TMEM117: variants seen among roughly 807,000 people sequenced by gnomAD.
TMEM117 encodes the protein transmembrane protein 117.
In TMEM117, 27 loss-of-function variants were observed where a neutral mutation model predicts 52.4. The observed-to-expected ratio is 0.51, with a 90% CI of 0.38 to 0.71. The LOEUF is 0.71. Ranked by LOEUF, TMEM117 falls within the 30% of genes least tolerant of loss-of-function variation. TMEM117 has a pLI of 0.00. For synonymous variants in TMEM117, 215 were observed against 206.3 expected (o/e 1.04, Z -0.36); for missense variants, 556 against 630.5 (o/e 0.88, Z 1.26).
rs753975593 is a variant in TMEM117 at position 43,844,666 on chromosome 12, T to G, written c.15T>G (p.Phe5Leu). The G allele has an allele frequency of 1.2e-6, 2 of 1,613,518 alleles. No individual in the cohort carries two copies. Among genetic ancestry groups the G allele is most frequent in the South Asian group, 1.1e-5 (1 of 90,970 alleles). The part of the protein sequence containing the change: MGKD[F>L]RYYFQHPWSR... ...AGTTCTGAAGAATGGGTAAAGACTTTCGTTACTATTTCCAGCATCCCTGGT... is the reference window on the plus strand; with the variant it reads ...AGTTCTGAAGAATGGGTAAAGACTTGCGTTACTATTTCCAGCATCCCTGGT... The change falls in exon 2 of 8, where the codon TTT (phenylalanine) becomes TTG (leucine). Residue 5 changes from phenylalanine to leucine, a missense_variant. Coordinates refer to ENST00000266534, the MANE Select transcript of TMEM117 (RefSeq NM_032256.3).
the TMEM117 span, among the ~76,000 whole-genome samples, chr12:43,824,069 T>G: frequency 6.6e-6 from 1 of 152,240 alleles, no homozygotes; most frequent in Non-Finnish European, 1.5e-5. Flanking sequence ...ATTAGTTAGC[T>G]AATCCATTAG....
In TMEM117 at chr12:44,253,946, A is replaced by G. The variant is rs980513302; in HGVS notation, c.608+42559A>G. 2.0e-5 allele frequency among the ~76,000 whole-genome samples: 3 copies of G among 151,884 alleles called. No homozygotes were observed. The East Asian group carries it at 5.8e-4, about 29-fold the overall frequency. Reference sequence around the variant, plus strand: ...TCTATCCTCAGTAGAGAAACTTGGAAAATCATCTATTTGGAAAAAAGTGAA... The same window carrying G: ...TCTATCCTCAGTAGAGAAACTTGGAGAATCATCTATTTGGAAAAAAGTGAA... On this transcript the variant is annotated intron_variant, in intron 5 of 7. Coordinates refer to ENST00000266534, the MANE Select transcript of TMEM117 (RefSeq NM_032256.3).
chr12:44,100,897 A>G (rs147472942), intron 3 of TMEM117, among the ~76,000 whole-genome samples: 80 of 152,000 alleles, frequency 5.3e-4, no homozygotes, highest in African/African-American at 1.8e-3. Context: ...GGTCCATTGC[A>G]GTATTTTGCT....
chr12:44,107,616 T>A (rs1245092843), intron 3 of TMEM117, among the ~76,000 whole-genome samples: 1 of 152,110 alleles, frequency 6.6e-6, no homozygotes, highest in Non-Finnish European at 1.5e-5. Context: ...ACAGACTGAA[T>A]TTTTAATTTT....
intron 2 of TMEM117, among the ~76,000 whole-genome samples, chr12:43,888,543 C>CTTTTT (rs147186370): frequency 4.2e-4 from 39 of 92,176 alleles, no homozygotes; most frequent in African/African-American, 1.4e-3. Flanking sequence ...CATTAGTTTT[C>CTTTTT]TTTTTTTTTT....
At chr12:44,352,833 A>G (rs1411129210) in intron 6 of TMEM117, among the ~76,000 whole-genome samples, 1 of 152,130 alleles carries the variant, frequency 6.6e-6, no homozygotes, top group Non-Finnish European at 1.5e-5. Flanking sequence ...GTTGGGTCAA[A>G]TGGTATTTCT....
intron 3 of TMEM117, among the ~76,000 whole-genome samples, chr12:44,138,050 T>C (rs911121855): frequency 6.6e-6 from 1 of 152,124 alleles, no homozygotes; most frequent in Non-Finnish European, 1.5e-5. Flanking sequence ...ATTCCCACTA[T>C]ATAGATAAGG....
intron 3 of TMEM117, among the ~76,000 whole-genome samples, chr12:44,085,439 G>A (rs1014257617): frequency 3.9e-5 from 6 of 152,214 alleles, no homozygotes; most frequent in African/African-American, 1.4e-4. Flanking sequence ...CTGGTATCAA[G>A]GTGGCTAGTG....
At chr12:43,831,852 T>C (rs1942984642), upstream of TMEM117, among the ~76,000 whole-genome samples, 1 of 152,144 alleles carries the variant, frequency 6.6e-6, no homozygotes, top group African/African-American at 2.4e-5. Context: ...CTTACTTCTT[T>C]CTGTTTTTTT....
At chr12:43,944,971 C>T (rs1372975169) in intron 3 of TMEM117, among the ~76,000 whole-genome samples, 1 of 151,850 alleles carries the variant, frequency 6.6e-6, no homozygotes, top group Non-Finnish European at 1.5e-5. Flanking sequence ...ATTAGGTAGG[C>T]GTGGTGGTGT....
intron 5 of TMEM117, among the ~76,000 whole-genome samples, chr12:44,276,283 A>G (rs1290602471): frequency 6.6e-6 from 1 of 152,178 alleles, no homozygotes; most frequent in Admixed American, 6.6e-5. Flanking sequence ...AAAATGTGGC[A>G]TGTATATAGA....
Position 44,226,499 on chromosome 12 carries a change from A to ATGTGTGTGTGTGTGTG in TMEM117, c.608+15113_608+15114insGTGTGTGTGTGTGTGT, listed in dbSNP as rs1161429257. On this transcript the variant is annotated intron_variant, in intron 5 of 7. Transcript: ENST00000266534. ...CAATAAACTATAAATATAAATATAT[A>ATGTGTGTGTGTGTGTG]TATGTGTGTGTGTGTGTGTGTGTGT... Among the ~76,000 whole-genome samples the ATGTGTGTGTGTGTGTG allele has an allele frequency of 5.3e-4, 71 of 132,948 alleles. 2 individuals are homozygous for ATGTGTGTGTGTGTGTG. The South Asian group carries it at 0.013, about 25-fold the overall frequency. The allele number at this position is 132,948 out of a possible 152,430, so 87.2% of individuals were successfully genotyped here.
chr12:44,164,711 G>A (rs944944009), intron 4 of TMEM117, among the ~76,000 whole-genome samples: 4 of 152,164 alleles, frequency 2.6e-5, no homozygotes, highest in Admixed American at 2.6e-4. Flanking sequence ...TCTTGATAGA[G>A]GGGGCAATTG....
chr12:44,146,045 T>A (rs1033182023), intron 4 of TMEM117, among the ~76,000 whole-genome samples: 3 of 152,124 alleles, frequency 2.0e-5, no homozygotes, highest in Non-Finnish European at 4.4e-5. Flanking sequence ...TAAATTAGCC[T>A]TTTTTCTTTT....
At chr12:43,992,187 A>C (rs1254332200) in intron 3 of TMEM117, among the ~76,000 whole-genome samples, 1 of 151,810 alleles carries the variant, frequency 6.6e-6, no homozygotes, top group Admixed American at 6.6e-5. Context: ...AAAAAAAGGC[A>C]AGTCTGAGCA....
intron 3 of TMEM117, among the ~76,000 whole-genome samples, chr12:43,982,143 T>G (rs1945770765): frequency 1.3e-5 from 2 of 152,222 alleles, no homozygotes; most frequent in African/African-American, 4.8e-5. Context: ...AATTACAATA[T>G]GCCAATGAAA....
intron 2 of TMEM117, among the ~76,000 whole-genome samples, chr12:43,941,491 A>G (rs1354635473): frequency 1.3e-5 from 2 of 152,226 alleles, no homozygotes; most frequent in Non-Finnish European, 2.9e-5. Context: ...GAGACAGTGT[A>G]TTTCCATCTG....
chr12:44,049,166 A>C (rs1348596508), intron 3 of TMEM117, among the ~76,000 whole-genome samples: 1 of 152,178 alleles, frequency 6.6e-6, no homozygotes, highest in Non-Finnish European at 1.5e-5. Flanking sequence ...AACCAACCCA[A>C]ATGCCCATCA....
At chr12:44,012,029 A>C (rs1251810208) in intron 3 of TMEM117, among the ~76,000 whole-genome samples, 2 of 152,176 alleles carry the variant, frequency 1.3e-5, no homozygotes, top group Non-Finnish European at 1.5e-5. Context: ...TTTTTCATTT[A>C]ATATTTTCAG....
Sources: gnomAD v4.1 joint callset for allele counts (sites outside exome capture counted in the v4.1 genomes callset) on GRCh38, gnomAD v4.1.1 for gene constraint, MANE v1.5 for transcripts, NCBI Gene and HGNC (gene_info 2026-07-23, HGNC 2026-07-21) for gene names.